The following TRIM58 variants were observed in gnomAD, a reference collection of about 807,000 sequenced individuals.
TRIM58 encodes E3 ubiquitin-protein ligase TRIM58.
Under a neutral mutation model 34.1 loss-of-function variants are expected in TRIM58, and 38 were observed. That is an observed-to-expected ratio of 1.12 (90% CI 0.86 to 1.46). The LOEUF (loss-of-function observed/expected upper bound fraction) is 1.46. Among genes scored for constraint, TRIM58 ranks in the 40% most tolerant of loss-of-function variants. The probability of loss-of-function intolerance (pLI) is 0.00; values close to 1 mark genes in which losing one functional copy is unlikely to be tolerated. For missense variants in TRIM58, 677 were observed against 642.0 expected, an observed-to-expected ratio of 1.05 and a Z score of -0.59; for synonymous variants, 273 against 275.7, an observed-to-expected ratio of 0.99 and a Z score of 0.10.
chr1:247,857,346 A>G lies in TRIM58; in HGVS notation c.100A>G (p.Ser34Gly). Residue 34 changes from serine (S) to glycine (G), a missense_variant, in exon 1 of 6, where the codon AGC becomes GGC. Coordinates refer to ENST00000366481, the MANE Select transcript of TRIM58 (RefSeq NM_015431.4). Reference protein sequence around the residue: ...QEPVSVDCGHSFCLRCISEFC... With the variant: ...QEPVSVDCGHGFCLRCISEFC... ...GCCGGTCAGCGTGGACTGCGGCCAC[A>G]GCTTCTGCCTCAGGTGCATCTCCGA... is the stretch of plus-strand genomic sequence containing the variant. The G allele has an allele frequency of 1.3e-6, 2 of 1,509,408 alleles. No individual in the cohort carries two copies. The highest frequency in any genetic ancestry group is 1.4e-5 in the African/African-American group (1 of 69,924). The allele number at this position is 1,509,408 out of a possible 1,614,324, so 93.5% of individuals were successfully genotyped here.
At chr1:247,867,913 G>T (rs1202479181) in intron 4 of TRIM58, 46 bp downstream of exon 4, 1 of 1,613,966 alleles carries the variant, frequency 6.2e-7, no homozygotes, top group East Asian at 2.2e-5. Context: ...AGAGGCAGAG[G>T]AGCTGGTGGA....
chr1:247,860,966 A>C (rs141269125), intron 2 of TRIM58, among the ~76,000 whole-genome samples: 180 of 152,126 alleles, frequency 1.2e-3, no homozygotes, highest in African/African-American at 4.0e-3. Flanking sequence ...TTCCTGTAAA[A>C]CCCACTGCTG....
In TRIM58 at chr1:247,876,175, GC is replaced by G. The variant is rs752807068; in HGVS notation, c.1150del (p.Leu384CysfsTer4). ...GCCATCTCCTGAGAATGGGGTCTGG[GC>G]CCTGTGGCTGCTGAAAGGGAATGAG... ...TTPSPENGVW[A>X]LWLLKGNEYM... is the part of the protein sequence containing the mutation. On this transcript the variant is annotated frameshift_variant, in exon 6 of 6. Coordinates refer to ENST00000366481, the MANE Select transcript of TRIM58 (RefSeq NM_015431.4). LOFTEE classifies it low-confidence loss of function (END_TRUNC). The G allele has an allele frequency of 1.9e-6, 3 of 1,614,066 alleles. No individual in the cohort carries two copies. In the African/African-American group the frequency reaches 4.0e-5, roughly 22 times the overall value.
chr1:247,857,794 C>A (rs1663675223), intron 1 of TRIM58, 128 bp downstream of exon 1: 4 of 1,165,270 alleles, frequency 3.4e-6, no homozygotes, highest in Non-Finnish European at 4.3e-6. Context: ...CACCGCGCGC[C>A]GTCCCCCCCG....
chr1:247,864,879 G>T lies in TRIM58; in HGVS notation c.691G>T (p.Glu231Ter), dbSNP rs201545608. 1.9e-6 allele frequency: 3 copies of T among 1,608,906 alleles called. No homozygotes were observed. Among genetic ancestry groups the T allele is most frequent in the Admixed American group, 1.7e-5 (1 of 59,224 alleles). Reference protein sequence around the residue: ...RLVQQSKALKELADELQERCQ... With the variant: ...RLVQQSKALK ...GGTCCAGCAGAGCAAGGCCCTGAAG[G>T]AGCTGGCGGATGAGCTGCAGGAGAG... The change falls in exon 3 of 6, where the codon GAG (glutamate) becomes TAG (stop). Residue 231 changes from glutamate (E) to a stop codon, truncating the protein, a stop_gained. Transcript: ENST00000366481. LOFTEE classifies it high-confidence loss of function.
At chr1:247,865,298 G>A (rs1407318451) in intron 3 of TRIM58, among the ~76,000 whole-genome samples, 1 of 152,086 alleles carries the variant, frequency 6.6e-6, no homozygotes, top group Non-Finnish European at 1.5e-5. Context: ...TTTGTTTTAA[G>A]GACTAAAGAA....
chr1:247,878,962 A>G lies in TRIM58; in HGVS notation c.*2473A>G, dbSNP rs200236634. Among the ~76,000 whole-genome samples, 6 of 151,948 alleles carry G rather than the reference A, an allele frequency of 3.9e-5. No homozygotes were observed. In the East Asian group the frequency reaches 9.6e-4, roughly 24 times the overall value. On this transcript the variant is annotated 3_prime_UTR_variant, in exon 6 of 6. Coordinates refer to ENST00000366481, the MANE Select transcript of TRIM58 (RefSeq NM_015431.4). Reference sequence around the variant, plus strand: ...TTCCAACTCCTGAAAGATTGCCACTATTTCCTCTGGAACTTTGTTTCGTTA... The same window carrying G: ...TTCCAACTCCTGAAAGATTGCCACTGTTTCCTCTGGAACTTTGTTTCGTTA...
intron 5 of TRIM58, among the ~76,000 whole-genome samples, chr1:247,869,787 A>G (rs1394121956): frequency 1.3e-5 from 2 of 152,242 alleles, no homozygotes; most frequent in Admixed American, 6.5e-5. Context: ...CTGAAAATCA[A>G]CTGACCAAAG....
intron 2 of TRIM58, among the ~76,000 whole-genome samples, chr1:247,862,232 TTAA>T (rs1380690303): frequency 1.3e-5 from 2 of 152,224 alleles, no homozygotes; most frequent in Non-Finnish European, 2.9e-5. Context: ...AATATTGATG[TTAA>T]TAACATTAGT....
chr1:247,864,198 G>C (rs780825333), intron 2 of TRIM58, among the ~76,000 whole-genome samples: 42 of 152,072 alleles, frequency 2.8e-4, no homozygotes, highest in Admixed American at 5.9e-4. Context: ...AGGCTGAAGT[G>C]CAGTGGTGCA....
intron 5 of TRIM58, among the ~76,000 whole-genome samples, chr1:247,872,618 T>C (rs1454212607): frequency 6.6e-6 from 1 of 152,134 alleles, no homozygotes; most frequent in East Asian, 1.9e-4. Context: ...GAATGTACAA[T>C]AGGGAGTTTC....
intron 2 of TRIM58, among the ~76,000 whole-genome samples, chr1:247,861,247 A>G (rs893149984): frequency 6.6e-6 from 1 of 152,068 alleles, no homozygotes; most frequent in Non-Finnish European, 1.5e-5. Flanking sequence ...ACACACACAC[A>G]CAGTGATTCA....
intron 2 of TRIM58, among the ~76,000 whole-genome samples, chr1:247,863,310 CG>C (rs1475562299): frequency 6.6e-6 from 1 of 152,076 alleles, no homozygotes; most frequent in African/African-American, 2.4e-5. Context: ...GAGGCCGATG[CG>C]GGCCGATCGT....
At chr1:247,863,752 A>G (rs1295029572) in intron 2 of TRIM58, among the ~76,000 whole-genome samples, 1 of 152,190 alleles carries the variant, frequency 6.6e-6, no homozygotes, top group Non-Finnish European at 1.5e-5. Context: ...ATCTTGAGAG[A>G]AGAAAATCTA....
At chr1:247,874,338 G>A (rs1297141241) in intron 5 of TRIM58, among the ~76,000 whole-genome samples, 7 of 152,126 alleles carry the variant, frequency 4.6e-5, no homozygotes, top group Admixed American at 3.3e-4. Context: ...CCTCTTAAAC[G>A]ACCAGCTCTT....
chr1:247,872,500 A>G (rs552053342), intron 5 of TRIM58, among the ~76,000 whole-genome samples: 105 of 152,324 alleles, frequency 6.9e-4, no homozygotes, highest in African/African-American at 2.4e-3. Context: ...TGCCACTTAT[A>G]TTGATGAGGA....
intron 1 of TRIM58, 103 bp downstream of exon 1, chr1:247,857,769 C>T: frequency 8.4e-7 from 1 of 1,187,888 alleles, no homozygotes; most frequent in Non-Finnish European, 1.0e-6. Context: ...GAGCGGCTCC[C>T]ACGGCCGCTC....
At chr1:247,874,861 C>A (rs1659244187) in intron 5 of TRIM58, among the ~76,000 whole-genome samples, 1 of 151,702 alleles carries the variant, frequency 6.6e-6, no homozygotes, top group East Asian at 1.9e-4. Flanking sequence ...AAGAACCTTA[C>A]CTCCAACCTT....
At position 247,864,857 on chromosome 1, in the gene TRIM58, C is replaced by A. The variant is rs751516923; in HGVS notation, c.669C>A (p.Val223=). 21 of 1,612,028 alleles carry A rather than the reference C, an allele frequency of 1.3e-5. No homozygotes were observed. Among genetic ancestry groups the A allele is most frequent in the Non-Finnish European group, 1.8e-5 (21 of 1,179,534 alleles). ...TGCGGGAGAGCAAGAGCCGGCTGGT[C>A]CAGCAGAGCAAGGCCCTGAAGGAGC... ...QRLRESKSRL[V]QQSKALKELA... Residue 223 remains valine (V), a synonymous_variant, in exon 3 of 6, where the codon GTC becomes GTA. Coordinates refer to ENST00000366481, the MANE Select transcript of TRIM58 (RefSeq NM_015431.4).
Sources: gnomAD v4.1 joint callset for allele counts (sites outside exome capture counted in the v4.1 genomes callset) on GRCh38, gnomAD v4.1.1 for gene constraint, MANE v1.5 for transcripts, NCBI Gene and HGNC (gene_info 2026-07-23, HGNC 2026-07-21) for gene names.